PAQR5: variants seen among roughly 807,000 people sequenced by gnomAD.
The protein encoded by PAQR5 is membrane progestin receptor gamma.
PAQR5 carries 20 observed loss-of-function variants against 34.5 expected under a neutral mutation model. The observed-to-expected ratio is 0.58, with a 90% confidence interval of 0.41 to 0.84. The LOEUF is 0.84. Among genes scored for constraint, PAQR5 ranks in the 40% least tolerant of loss-of-function variants. The pLI is 0.00. For synonymous variants in PAQR5, 131 were observed against 155.6 expected (o/e 0.84, Z 1.18); for missense variants, 378 against 412.7 (o/e 0.92, Z 0.73).
rs1566998031 is a variant in PAQR5, at chr15:69,322,774, G to GAAGAAGAAGA, written c.-276-14566_-276-14565insAGAAGAAGAA. Among the ~76,000 whole-genome samples, 10 of 32,424 alleles carry GAAGAAGAAGA rather than the reference G, an allele frequency of 3.1e-4. 3 individuals carry two copies. The highest frequency in any genetic ancestry group is 4.2e-4 in the Non-Finnish European group (8 of 18,930). 21.3% of individuals were successfully genotyped at this position (32,424 alleles called of 152,430 possible). ...GAAGAAGAAGAAGAAGAAGAAGAGGGAGAAGAAGAAGACGAGGAAGAAGAA... is the reference window on the plus strand; with the variant it reads ...GAAGAAGAAGAAGAAGAAGAAGAGGGAAGAAGAAGAAGAAGAAGAAGACGAGGAAGAAGAA... On this transcript the variant is annotated intron_variant, in intron 1 of 8. Transcript: ENST00000395407.
At chr15:69,394,769 G>C (rs1280747899) in intron 6 of PAQR5, among the ~76,000 whole-genome samples, 1 of 152,230 alleles carries the variant, frequency 6.6e-6, no homozygotes, top group African/African-American at 2.4e-5. Flanking sequence ...CTGTGGTTCT[G>C]CTCTGGCTGT....
In PAQR5 at chr15:69,405,448, G is replaced by A. The variant is rs557543696; in HGVS notation, c.*1626G>A. On this transcript the variant is annotated 3_prime_UTR_variant, in exon 9 of 9. Transcript: ENST00000395407. ...TTTATTATCTGTTTACTTCCTCTGG[G>A]GAAGGCAGACTGATAAAATTATATG... 1.0e-4 allele frequency: 16 copies of A among 153,340 alleles called. No homozygotes were observed. The highest frequency in any genetic ancestry group is 2.0e-4 in the Non-Finnish European group (14 of 68,832). The allele number at this position is 153,340 out of a possible 1,614,324, so 9.5% of individuals were successfully genotyped here.
intron 2 of PAQR5, among the ~76,000 whole-genome samples, chr15:69,346,296 A>G (rs990388593): frequency 7.1e-5 from 3 of 42,276 alleles, no homozygotes; most frequent in African/African-American, 2.1e-4. Flanking sequence ...GATATTTTGT[A>G]ATTTTTTTTT....
At chr15:69,310,907 C>T (rs1399177154) in intron 1 of PAQR5, among the ~76,000 whole-genome samples, 5 of 151,350 alleles carry the variant, frequency 3.3e-5, no homozygotes, top group South Asian at 2.1e-4. Context: ...GGTGTGGTGG[C>T]GGGCGCCTGT....
At chr15:69,377,576 T>C (rs2055741713) in intron 3 of PAQR5, among the ~76,000 whole-genome samples, 1 of 152,232 alleles carries the variant, frequency 6.6e-6, no homozygotes, top group African/African-American at 2.4e-5. Flanking sequence ...AGTTGAGCAG[T>C]TCAACCCAGA....
chr15:69,334,204 AT>A (rs1426847341), intron 1 of PAQR5, among the ~76,000 whole-genome samples: 1 of 151,744 alleles, frequency 6.6e-6, no homozygotes, highest in Non-Finnish European at 1.5e-5. Flanking sequence ...ATTTTTTTGT[AT>A]TTTTAGTAGA....
At chr15:69,334,682 C>G (rs534554130) in intron 1 of PAQR5, among the ~76,000 whole-genome samples, 1 of 152,120 alleles carries the variant, frequency 6.6e-6, no homozygotes, top group Non-Finnish European at 1.5e-5. Flanking sequence ...GTAGTTGAGA[C>G]CACTGGAGAA....
At chr15:69,371,636 C>T (rs1033239401) in intron 3 of PAQR5, among the ~76,000 whole-genome samples, 2 of 152,166 alleles carry the variant, frequency 1.3e-5, no homozygotes, top group Admixed American at 6.5e-5. Flanking sequence ...CGTGAATCTT[C>T]TCTTCACAGT....
chr15:69,357,665 T>G (rs537903585), intron 2 of PAQR5, among the ~76,000 whole-genome samples: 1 of 152,220 alleles, frequency 6.6e-6, no homozygotes, highest in Non-Finnish European at 1.5e-5. Flanking sequence ...CTTTGAGTAT[T>G]GTGAATAATG....
chr15:69,375,504 A>G (rs1332686357), intron 3 of PAQR5, among the ~76,000 whole-genome samples: 1 of 152,178 alleles, frequency 6.6e-6, no homozygotes, highest in Non-Finnish European at 1.5e-5. Flanking sequence ...AGAAGAATCT[A>G]AGGCTCAGAG....
At chr15:69,339,858 C>T (rs2054599373) in intron 2 of PAQR5, among the ~76,000 whole-genome samples, 1 of 152,108 alleles carries the variant, frequency 6.6e-6, no homozygotes, top group South Asian at 2.1e-4. Flanking sequence ...TACAGGTGAC[C>T]TGTGACATTA....
chr15:69,395,410 A>G (rs1225967158), intron 6 of PAQR5, among the ~76,000 whole-genome samples: 1 of 152,142 alleles, frequency 6.6e-6, no homozygotes, highest in Admixed American at 6.5e-5. Flanking sequence ...CCCAGAACCT[A>G]TTTGTTCCCT....
chr15:69,379,728 G>A (rs968939186), intron 3 of PAQR5, 155 bp from the exon 4 acceptor site: 7 of 737,514 alleles, frequency 9.5e-6, no homozygotes, highest in African/African-American at 3.8e-5. Flanking sequence ...AAGCTACTGC[G>A]AGGGAAGGAG....
chr15:69,341,267 A>G (rs919360072), intron 2 of PAQR5, among the ~76,000 whole-genome samples: 1 of 147,576 alleles, frequency 6.8e-6, no homozygotes, highest in Non-Finnish European at 1.5e-5. Context: ...ATGGAATCAT[A>G]CAATATTTGT....
At chr15:69,382,383 A>T (rs1177028688) in intron 4 of PAQR5, among the ~76,000 whole-genome samples, 1 of 152,126 alleles carries the variant, frequency 6.6e-6, no homozygotes, top group Non-Finnish European at 1.5e-5. Flanking sequence ...GCAGTGGCTT[A>T]TGCCTATAAT....
intron 1 of PAQR5, among the ~76,000 whole-genome samples, chr15:69,301,834 G>T (rs1214691423): frequency 1.5e-5 from 2 of 131,276 alleles, no homozygotes; most frequent in South Asian, 2.6e-4. Context: ...GAGAAAAATT[G>T]TGAATTCATA....
chr15:69,402,844 C>T (rs2056676644), intron 8 of PAQR5, among the ~76,000 whole-genome samples: 1 of 152,228 alleles, frequency 6.6e-6, no homozygotes, highest in Non-Finnish European at 1.5e-5. Flanking sequence ...TGCCCCCGAC[C>T]CTAGGCATTG....
intron 1 of PAQR5, among the ~76,000 whole-genome samples, chr15:69,310,933 G>A (rs2053817720): frequency 6.6e-6 from 1 of 150,616 alleles, no homozygotes; most frequent in Non-Finnish European, 1.5e-5. Context: ...CAGCTACTCG[G>A]GAGGCTGAGG....
At chr15:69,311,039 A>AAT (rs2053823236) in intron 1 of PAQR5, among the ~76,000 whole-genome samples, 1 of 39,480 alleles carries the variant, frequency 2.5e-5, no homozygotes, top group Non-Finnish European at 5.4e-5. Flanking sequence ...ACTCCGTCGC[A>AAT]AAAAATAAAA....
Sources: gnomAD v4.1 joint callset for allele counts (sites outside exome capture counted in the v4.1 genomes callset) on GRCh38, gnomAD v4.1.1 for gene constraint, MANE v1.5 for transcripts, NCBI Gene and HGNC (gene_info 2026-07-23, HGNC 2026-07-21) for gene names.